DAB1: variants seen among roughly 807,000 people sequenced by gnomAD.
The protein encoded by DAB1 is DAB adaptor protein 1.
Under a neutral mutation model 64.6 loss-of-function variants are expected in DAB1, and 15 were observed. The observed-to-expected ratio is 0.23, with a 90% CI of 0.16 to 0.36. The LOEUF (loss-of-function observed/expected upper bound fraction) is 0.36. Ranked by LOEUF, DAB1 falls within the 10% of genes least tolerant of loss-of-function variation. The pLI is 1.00. For synonymous variants in DAB1, 235 were observed against 251.9 expected, an observed-to-expected ratio of 0.93 and a Z score of 0.64; for missense variants, 596 against 706.7, an observed-to-expected ratio of 0.84 and a Z score of 1.78.
At chr1:57,684,120 G>A (rs1338621563) in intron 6 of DAB1, among the ~76,000 whole-genome samples, 1 of 152,132 alleles carries the variant, frequency 6.6e-6, no homozygotes, top group African/African-American at 2.4e-5. Flanking sequence ...GTGGCATTAT[G>A]TAAAGAGACC....
intron 4 of DAB1, among the ~76,000 whole-genome samples, chr1:58,172,175 C>T (rs1007562273): frequency 2.6e-5 from 4 of 152,196 alleles, no homozygotes; most frequent in Non-Finnish European, 5.9e-5. Flanking sequence ...GGCCCTAGTA[C>T]AACCTCCAGC....
chr1:58,343,542 T>C (rs1569663889), intron 3 of DAB1: 1 of 152,158 alleles, frequency 6.6e-6, no homozygotes, highest in African/African-American at 2.4e-5. Context: ...TCAACACAAA[T>C]AGATGGAAGA....
intron 5 of DAB1, among the ~76,000 whole-genome samples, chr1:57,958,934 A>C (rs929827326): frequency 8.9e-4 from 136 of 152,350 alleles, no homozygotes; most frequent in Non-Finnish European, 1.8e-4. Flanking sequence ...TCTCCAAATA[A>C]GATCACATTC....
At chr1:57,546,099 G>A (rs1013305075) in intron 7 of DAB1, among the ~76,000 whole-genome samples, 13 of 132,718 alleles carry the variant, frequency 9.8e-5, no homozygotes, top group East Asian at 8.6e-4. Flanking sequence ...GTGTGTGTGT[G>A]CGCGCACGTG....
intron 9 of DAB1, among the ~76,000 whole-genome samples, chr1:57,061,484 T>C (rs1394084000): frequency 6.6e-6 from 1 of 152,184 alleles, no homozygotes; most frequent in Non-Finnish European, 1.5e-5. Context: ...CTTGTTTGCA[T>C]AGCTCCAAGA....
chr1:57,038,653 G>A (rs1647314759), intron 9 of DAB1, among the ~76,000 whole-genome samples: 1 of 152,126 alleles, frequency 6.6e-6, no homozygotes, highest in South Asian at 2.1e-4. Flanking sequence ...TTGTACAGAA[G>A]GTTGGAGGAT....
intron 3 of DAB1, among the ~76,000 whole-genome samples, chr1:58,499,899 G>A (rs1645878446): frequency 6.6e-6 from 1 of 151,628 alleles, no homozygotes; most frequent in African/African-American, 2.4e-5. Flanking sequence ...TATTCTGACA[G>A]GTATTACATA....
intron 6 of DAB1, among the ~76,000 whole-genome samples, chr1:57,701,412 G>A (rs1163045724): frequency 2.6e-5 from 4 of 152,010 alleles, no homozygotes; most frequent in Admixed American, 6.6e-5. Flanking sequence ...TAGGGACATG[G>A]ATGAAGCTGA....
intron 7 of DAB1, among the ~76,000 whole-genome samples, chr1:57,583,732 C>G (rs1241451950): frequency 6.6e-6 from 1 of 152,154 alleles, no homozygotes; most frequent in Non-Finnish European, 1.5e-5. Flanking sequence ...CCTGTACTTT[C>G]CAAATTTCTT....
intron 3 of DAB1, among the ~76,000 whole-genome samples, chr1:58,407,974 C>G (rs948587410): frequency 1.3e-5 from 2 of 152,160 alleles, no homozygotes; most frequent in Non-Finnish European, 2.9e-5. Flanking sequence ...TACTTGCCTC[C>G]TCACTCACTC....
intron 4 of DAB1, among the ~76,000 whole-genome samples, chr1:58,234,811 C>T (rs917474130): frequency 6.6e-6 from 1 of 152,082 alleles, no homozygotes; most frequent in African/African-American, 2.4e-5. Context: ...AAGGCTTGAG[C>T]CGGAGGAAGT....
chr1:57,809,761 T>C (rs1651530603), intron 6 of DAB1, among the ~76,000 whole-genome samples: 1 of 152,130 alleles, frequency 6.6e-6, no homozygotes, highest in Non-Finnish European at 1.5e-5. Context: ...ATCACGCAGT[T>C]GTTGTCTTTT....
In DAB1 at chr1:57,659,182, A is replaced by G. The variant is rs558356245; in HGVS notation, n.552-9517T>C. 7.2e-5 allele frequency among the ~76,000 whole-genome samples: 11 copies of G among 152,332 alleles called. No homozygotes were observed. The South Asian group carries it at 2.1e-3, about 29-fold the overall frequency. On this transcript the variant is annotated intron_variant and non_coding_transcript_variant, in intron 6 of 20. Coordinates refer to the DAB1 transcript ENST00000485760. ...TGGCTGAAATTAAGGGCAGCAGGGC[A>G]GAAAGCGGATCTGCTGACACCACAG...
chr1:58,485,320 A>G (rs973965100), intron 3 of DAB1, among the ~76,000 whole-genome samples: 3 of 148,396 alleles, frequency 2.0e-5, no homozygotes, highest in African/African-American at 7.5e-5. Context: ...TTTGCTCTAC[A>G]TGCTTTTTGT....
intron 4 of DAB1, among the ~76,000 whole-genome samples, chr1:58,188,200 T>A (rs934916967): frequency 6.6e-6 from 1 of 152,196 alleles, no homozygotes; most frequent in African/African-American, 2.4e-5. Context: ...TAAGCCACCA[T>A]ACTCAGCCAG....
At chr1:57,431,336 A>G (rs1685508744) in intron 7 of DAB1, among the ~76,000 whole-genome samples, 1 of 152,208 alleles carries the variant, frequency 6.6e-6, no homozygotes, top group South Asian at 2.1e-4. Context: ...AAACACACAC[A>G]CACACAACAG....
At chr1:58,144,406 C>T (rs1449333722) in intron 5 of DAB1, among the ~76,000 whole-genome samples, 1 of 152,130 alleles carries the variant, frequency 6.6e-6, no homozygotes, top group African/African-American at 2.4e-5. Flanking sequence ...TTGTACAGTG[C>T]TTTACAGTTT....
At chr1:57,437,737 CAAGGG>C (rs773269131) in intron 7 of DAB1, among the ~76,000 whole-genome samples, 8 of 152,072 alleles carry the variant, frequency 5.3e-5, no homozygotes, top group Non-Finnish European at 1.0e-4. Flanking sequence ...TAATATAGCA[CAAGGG>C]AATTTGTGAA....
intron 7 of DAB1, among the ~76,000 whole-genome samples, chr1:57,446,038 C>T (rs139169717): frequency 1.5e-3 from 233 of 152,264 alleles, no homozygotes; most frequent in African/African-American, 5.2e-3. Flanking sequence ...TTATTTCACC[C>T]ATCCAATTTT....
Sources: allele counts gnomAD v4.1 joint callset (sites outside exome capture counted in the v4.1 genomes callset), GRCh38; gene constraint gnomAD v4.1.1; transcripts MANE v1.5; gene names NCBI Gene and HGNC (gene_info 2026-07-23, HGNC 2026-07-21).